ANKS1B: variants seen among roughly 807,000 people sequenced by gnomAD.
The protein encoded by ANKS1B is ankyrin repeat and sterile alpha motif domain containing 1B.
A neutral mutation model predicts 148.3 loss-of-function variants in ANKS1B; 36 were observed. That is an observed-to-expected ratio of 0.24 (90% CI 0.19 to 0.32). The LOEUF is 0.32. ANKS1B is among the 10% of genes least tolerant of loss of function. ANKS1B has a pLI of 1.00. For synonymous variants in ANKS1B, 542 were observed against 560.8 expected (o/e 0.97, Z 0.47); for missense variants, 1,157 against 1,542.6 (o/e 0.75, Z 4.19).
chr12:98,870,243 G>A (rs541711960), intron 17 of ANKS1B, among the ~76,000 whole-genome samples: 168 of 152,254 alleles, frequency 1.1e-3, no homozygotes, highest in African/African-American at 3.9e-3. Flanking sequence ...CTGTGCTTTC[G>A]GGATCACTGT....
At chr12:99,580,691 G>C (rs2097562268) in intron 9 of ANKS1B, among the ~76,000 whole-genome samples, 1 of 152,104 alleles carries the variant, frequency 6.6e-6, no homozygotes, top group Non-Finnish European at 1.5e-5. Context: ...AGCACAGTAG[G>C]ATCACTATAG....
chr12:99,643,756 C>T (rs2098332413), intron 9 of ANKS1B, among the ~76,000 whole-genome samples: 3 of 152,280 alleles, frequency 2.0e-5, no homozygotes, highest in Admixed American at 2.0e-4. Context: ...ACAAGAATTT[C>T]CTGGATAATC....
chr12:99,688,633 T>C (rs1395073662), intron 8 of ANKS1B, among the ~76,000 whole-genome samples: 1 of 152,086 alleles, frequency 6.6e-6, no homozygotes, highest in Non-Finnish European at 1.5e-5. Context: ...GGCCAGGAGT[T>C]CGAGACCAGC....
chr12:99,323,110 C>G (rs975551784), intron 12 of ANKS1B, among the ~76,000 whole-genome samples: 1 of 152,026 alleles, frequency 6.6e-6, no homozygotes. Flanking sequence ...TTATATTATC[C>G]TCCAAAAAGT....
chr12:99,495,762 C>A (rs960881439), intron 10 of ANKS1B, among the ~76,000 whole-genome samples: 1 of 152,198 alleles, frequency 6.6e-6, no homozygotes, highest in African/African-American at 2.4e-5. Context: ...CATGTTGACA[C>A]TACCCACTTG....
chr12:99,092,463 T>A (rs1300275336), intron 15 of ANKS1B, among the ~76,000 whole-genome samples: 5 of 117,014 alleles, frequency 4.3e-5, no homozygotes, highest in African/African-American at 1.8e-4. Context: ...TCACAAGCTG[T>A]GAAGCTGAAA....
chr12:99,186,457 G>A (rs924559830), intron 14 of ANKS1B, among the ~76,000 whole-genome samples: 1 of 152,158 alleles, frequency 6.6e-6, no homozygotes, highest in Non-Finnish European at 1.5e-5. Flanking sequence ...ATACCTCCCA[G>A]CAGGAGTCGA....
intron 17 of ANKS1B, among the ~76,000 whole-genome samples, chr12:98,959,449 T>C (rs960455145): frequency 6.6e-6 from 1 of 152,130 alleles, no homozygotes. Context: ...AGCTAAGACT[T>C]ACACATTTGC....
At chr12:99,772,235 T>A (rs1448974082) in intron 8 of ANKS1B, among the ~76,000 whole-genome samples, 1 of 152,136 alleles carries the variant, frequency 6.6e-6, no homozygotes, top group Non-Finnish European at 1.5e-5. Context: ...ATCCTTCTAA[T>A]CTTATCTCCC....
intron 17 of ANKS1B, among the ~76,000 whole-genome samples, chr12:98,967,167 A>G (rs2099878837): frequency 6.6e-6 from 1 of 152,162 alleles, no homozygotes; most frequent in Admixed American, 6.5e-5. Context: ...AAGCCTTGAA[A>G]CTACCTAAAG....
chr12:99,132,561 G>C (rs2066466807), intron 15 of ANKS1B, among the ~76,000 whole-genome samples: 1 of 152,014 alleles, frequency 6.6e-6, no homozygotes, highest in Non-Finnish European at 1.5e-5. Context: ...CTGGGAATAG[G>C]TGACTTTATA....
At position 99,638,630 on chromosome 12, in the gene ANKS1B, A is replaced by C. The variant is rs147703871; in HGVS notation, c.1272+16437T>G. On this transcript the variant is annotated intron_variant, in intron 9 of 26. Coordinates refer to ENST00000683438, the MANE Select transcript of ANKS1B (RefSeq NM_001352186.2). ...GCAGCCTGACAATGTGGTAGAAGAG[A>C]AAAACCCATTTTCTGGGGAGAAATC... Among the ~76,000 whole-genome samples, 3 of 152,198 alleles carry C rather than the reference A, an allele frequency of 2.0e-5. No homozygotes were observed. The East Asian group carries it at 5.8e-4, about 29-fold the overall frequency.
intron 17 of ANKS1B, among the ~76,000 whole-genome samples, chr12:98,905,953 C>T (rs1438930745): frequency 6.6e-6 from 1 of 151,930 alleles, no homozygotes; most frequent in Admixed American, 6.6e-5. Context: ...ACTCAATCCA[C>T]GAGATCTATA....
intron 4 of ANKS1B, among the ~76,000 whole-genome samples, chr12:99,785,543 C>T (rs1165831565): frequency 1.3e-5 from 2 of 152,064 alleles, no homozygotes; most frequent in African/African-American, 4.8e-5. Context: ...AAGCGATTCT[C>T]CTGCCTCAGC....
chr12:99,305,790 A>G (rs1209848200), intron 12 of ANKS1B, among the ~76,000 whole-genome samples: 2 of 152,176 alleles, frequency 1.3e-5, no homozygotes, highest in Non-Finnish European at 2.9e-5. Context: ...ACCTGGTTCT[A>G]TACTTCATTA....
rs4762562 is a variant in ANKS1B, at chr12:99,179,820, T to C, written c.2420-25425A>G. ...CTGACATATGATAAATCCTCAATAA[T>C]GCTAACTGTAATTACTATTATAATA... On this transcript the variant is annotated intron_variant, in intron 14 of 26. Coordinates refer to ENST00000683438, the MANE Select transcript of ANKS1B (RefSeq NM_001352186.2). 6.5e-3 allele frequency among the ~76,000 whole-genome samples: 993 copies of C among 152,332 alleles called. 4 individuals carry two copies. The highest frequency in any genetic ancestry group is 0.017 in the Middle Eastern group (5 of 294).
intron 1 of ANKS1B, among the ~76,000 whole-genome samples, chr12:99,964,527 G>A (rs1274802871): frequency 6.6e-6 from 1 of 152,210 alleles, no homozygotes; most frequent in African/African-American, 2.4e-5. Context: ...TAGGAGGTGT[G>A]TCCATATTGG....
At chr12:99,487,019 C>T (rs1299541422) in intron 10 of ANKS1B, among the ~76,000 whole-genome samples, 1 of 152,270 alleles carries the variant, frequency 6.6e-6, no homozygotes, top group South Asian at 2.1e-4. Flanking sequence ...TTCTCCAAGG[C>T]CTATCAAATG....
At chr12:99,825,523 A>G (rs1445549715) in intron 1 of ANKS1B, 134 bp from the exon 2 acceptor site, 3 of 614,884 alleles carry the variant, frequency 4.9e-6, no homozygotes, top group Non-Finnish European at 8.7e-6. Context: ...AATGATTGCC[A>G]TCTTCTATGA....
Sources: allele counts gnomAD v4.1 joint callset (sites outside exome capture counted in the v4.1 genomes callset), GRCh38; gene constraint gnomAD v4.1.1; transcripts MANE v1.5; gene names NCBI Gene and HGNC (gene_info 2026-07-23, HGNC 2026-07-21).